Variants in THSD7A observed in about 807,000 individuals in gnomAD.
THSD7A encodes thrombospondin type 1 domain containing 7A, also known as thrombospondin type-1 domain-containing protein 7A.
Under a neutral mutation model 231.3 loss-of-function variants are expected in THSD7A, and 96 were observed. That is an observed-to-expected ratio of 0.41 (90% confidence interval 0.35 to 0.49). The LOEUF (loss-of-function observed/expected upper bound fraction) is 0.49. Ranked by LOEUF, THSD7A falls within the 20% of genes least tolerant of loss-of-function variation. The probability of loss-of-function intolerance (pLI) is 0.05; values close to 1 mark genes in which losing one functional copy is unlikely to be tolerated. For synonymous variants in THSD7A, 940 were observed against 743.3 expected (o/e 1.26, Z -4.30); for missense variants, 2,290 against 2,070.2 (o/e 1.11, Z -2.06).
intron 11 of THSD7A, among the ~76,000 whole-genome samples, chr7:11,456,045 T>C (rs1307650874): frequency 2.6e-5 from 4 of 151,932 alleles, no homozygotes; most frequent in Admixed American, 2.0e-4. Flanking sequence ...AAGAAGGAAT[T>C]TGTGTTACAT....
At chr7:11,669,216 C>A (rs1389860541) in intron 1 of THSD7A, among the ~76,000 whole-genome samples, 2 of 152,116 alleles carry the variant, frequency 1.3e-5, no homozygotes, top group Non-Finnish European at 2.9e-5. Context: ...AGAAAACTTA[C>A]CTCACTAGAG....
intron 1 of THSD7A, among the ~76,000 whole-genome samples, chr7:11,640,905 A>G (rs73292628): frequency 8.1e-4 from 124 of 152,222 alleles, no homozygotes; most frequent in African/African-American, 2.8e-3. Context: ...GTTGAGGAGT[A>G]TATCTTCATT....
At chr7:11,728,698 TC>T (rs1343095171) in intron 1 of THSD7A, among the ~76,000 whole-genome samples, 2 of 151,900 alleles carry the variant, frequency 1.3e-5, no homozygotes, top group African/African-American at 4.8e-5. Context: ...ATTGATCAAA[TC>T]CTAATATTCC....
chr7:11,433,637 C>T (rs1784545048), intron 13 of THSD7A, among the ~76,000 whole-genome samples: 1 of 151,936 alleles, frequency 6.6e-6, no homozygotes, highest in Non-Finnish European at 1.5e-5. Context: ...TGATAAACTG[C>T]AAAATGTCTC....
chr7:11,786,838 C>T (rs977013506), intron 1 of THSD7A, among the ~76,000 whole-genome samples: 9 of 151,418 alleles, frequency 5.9e-5, no homozygotes, highest in Non-Finnish European at 1.0e-4. Context: ...TCCCCTACAC[C>T]GAACTGACAA....
At chr7:11,546,195 G>GGCGCGTGTGTGCGCGC (rs1554335255) in intron 4 of THSD7A, among the ~76,000 whole-genome samples, 1,247 of 78,698 alleles carry the variant, frequency 0.016, 30 homozygotes, top group African/African-American at 0.059. Context: ...TGCTGGTGTG[G>GGCGCGTGTGTGCGCGC]GCGCGCGCTC....
intron 6 of THSD7A, among the ~76,000 whole-genome samples, chr7:11,519,284 C>T (rs1244350377): frequency 6.6e-6 from 1 of 152,062 alleles, no homozygotes; most frequent in Non-Finnish European, 1.5e-5. Context: ...CTTCTATTTC[C>T]CCTTCTCTTC....
chr7:11,577,703 A>C (rs1159691742), intron 4 of THSD7A, among the ~76,000 whole-genome samples: 1 of 151,522 alleles, frequency 6.6e-6, no homozygotes, highest in South Asian at 2.1e-4. Context: ...AAAGCTCCCT[A>C]TCTGGGCATT....
chr7:11,484,648 G>A (rs1786572255), intron 6 of THSD7A, among the ~76,000 whole-genome samples: 1 of 152,058 alleles, frequency 6.6e-6, no homozygotes, highest in South Asian at 2.1e-4. Flanking sequence ...CGACACGTAG[G>A]AAGCACTAAA....
intron 2 of THSD7A, among the ~76,000 whole-genome samples, chr7:11,611,364 A>T (rs571240147): frequency 6.6e-6 from 1 of 152,140 alleles, no homozygotes; most frequent in South Asian, 2.1e-4. Context: ...TTATTAAATC[A>T]GCTACATATT....
At chr7:11,821,150 A>T (rs1784861818) in intron 1 of THSD7A, 2 of 1,114,552 alleles carry the variant, frequency 1.8e-6, no homozygotes, top group Non-Finnish European at 2.7e-6. Flanking sequence ...TATTTAGTAA[A>T]GTGTTTATGT....
At chr7:11,390,508 CT>C (rs1391060070) in intron 23 of THSD7A, among the ~76,000 whole-genome samples, 1 of 152,062 alleles carries the variant, frequency 6.6e-6, no homozygotes, top group East Asian at 1.9e-4. Flanking sequence ...TTCTTCTGAC[CT>C]TTTTTCAAGG....
intron 23 of THSD7A, among the ~76,000 whole-genome samples, chr7:11,392,051 C>G (rs1291443353): frequency 6.6e-6 from 1 of 152,052 alleles, no homozygotes; most frequent in Non-Finnish European, 1.5e-5. Flanking sequence ...GGCCATCTTG[C>G]CCAGAATCTC....
intron 1 of THSD7A, among the ~76,000 whole-genome samples, chr7:11,737,196 T>A (rs1405643836): frequency 6.6e-6 from 1 of 151,992 alleles, no homozygotes; most frequent in East Asian, 1.9e-4. Flanking sequence ...TTTGCTGACA[T>A]AAGGAGGAGA....
chr7:11,749,401 A>G (rs1334327584), intron 1 of THSD7A, among the ~76,000 whole-genome samples: 1 of 151,992 alleles, frequency 6.6e-6, no homozygotes, highest in African/African-American at 2.4e-5. Context: ...GTAAGCTTCT[A>G]TCATTCTTCC....
intron 1 of THSD7A, among the ~76,000 whole-genome samples, chr7:11,735,678 C>A (rs564891768): frequency 6.6e-6 from 1 of 151,778 alleles, no homozygotes. Context: ...TGAACTAGAG[C>A]CTCAAAACTA....
chr7:11,474,093 A>T lies in THSD7A; in HGVS notation c.2252+241T>A, dbSNP rs1786048481. Among the ~76,000 whole-genome samples the T allele has an allele frequency of 6.6e-6, 1 of 152,196 alleles. No homozygotes were observed. The highest frequency in any genetic ancestry group is 2.1e-4 in the South Asian group (1 of 4,826). ...TAGCTTAATAAAAGCAGAAAGTGCT[A>T]CTATAAAACAGAGAGTAGGCACCAG... is the stretch of plus-strand genomic sequence containing the variant. On this transcript the variant is annotated intron_variant, in intron 8 of 27. Coordinates refer to ENST00000423059, the MANE Select transcript of THSD7A (RefSeq NM_015204.3). This position sits in a 1 kb window ranked among gnomAD's most constrained non-coding sequence, Gnocchi z 4.1.
At chr7:11,604,970 G>A (rs1458453637) in intron 2 of THSD7A, among the ~76,000 whole-genome samples, 1 of 151,974 alleles carries the variant, frequency 6.6e-6, no homozygotes, top group East Asian at 1.9e-4. Flanking sequence ...TCATGTTACT[G>A]CTGCATCATA....
chr7:11,590,498 T>A lies in THSD7A; in HGVS notation c.1415A>T (p.Asn472Ile). 6.2e-7 allele frequency: 1 copy of A among 1,612,652 alleles called. No homozygotes were observed. The highest frequency in any genetic ancestry group is 8.5e-7 in the Non-Finnish European group (1 of 1,179,406). Residue 472 changes from asparagine to isoleucine, a missense_variant, in exon 4 of 28, where the codon AAC (asparagine) becomes ATC (isoleucine). Asn to Ile is a moderately radical substitution (Grantham distance 149). Coordinates refer to ENST00000423059, the MANE Select transcript of THSD7A (RefSeq NM_015204.3). The surrounding 1 kb of genome is among the most constrained non-coding windows in gnomAD (Gnocchi z 4.4). ...REVYCVQANENLLSQLSTHKN... is the reference protein window; with the variant it reads ...REVYCVQANEILLSQLSTHKN... The stretch of plus-strand genomic sequence containing the variant: ...GTGGGTACTTAATTGTGAGAGGAGG[T>A]TTTCGTTGGCCTGCACGCAGTACAC...
Sources: allele counts gnomAD v4.1 joint callset (sites outside exome capture counted in the v4.1 genomes callset), GRCh38; gene constraint gnomAD v4.1.1; non-coding constraint Gnocchi (gnomAD v3.1); transcripts MANE v1.5; gene names NCBI Gene and HGNC (gene_info 2026-07-23, HGNC 2026-07-21).